Variants in MTUS1 observed in about 807,000 individuals in gnomAD.
The protein encoded by MTUS1 is microtubule-associated tumor suppressor 1.
MTUS1 carries 109 observed loss-of-function variants against 120.8 expected under a neutral mutation model. That is an observed-to-expected ratio of 0.90 (90% CI 0.77 to 1.06). The LOEUF (loss-of-function observed/expected upper bound fraction) is 1.06. MTUS1 is among the 50% of genes least tolerant of loss of function. The probability of loss-of-function intolerance (pLI) is 0.00; values close to 1 mark genes in which losing one functional copy is unlikely to be tolerated. For missense variants in MTUS1, 2,210 were observed against 1,486.3 expected (o/e 1.49, Z -8.01); for synonymous variants, 737 against 550.5 (o/e 1.34, Z -4.74).
intron 3 of MTUS1, among the ~76,000 whole-genome samples, chr8:17,732,451 C>G (rs6586639): frequency 6.6e-6 from 1 of 152,022 alleles, no homozygotes; most frequent in Non-Finnish European, 1.5e-5. Context: ...CTTCTTGACT[C>G]TGGAGAGTCC....
At chr8:17,690,255 A>G (rs577711317) in intron 6 of MTUS1, among the ~76,000 whole-genome samples, 1 of 152,228 alleles carries the variant, frequency 6.6e-6, no homozygotes, top group Non-Finnish European at 1.5e-5. Context: ...AGCAGCCAAC[A>G]TATGGAAAAA....
chr8:17,794,192 GT>G (rs1472668234), intron 1 of MTUS1, among the ~76,000 whole-genome samples: 1 of 152,070 alleles, frequency 6.6e-6, no homozygotes, highest in African/African-American at 2.4e-5. Context: ...GACGGGCGTG[GT>G]GGTGCATGCC....
At chr8:17,659,554 C>T (rs1419069117) in intron 8 of MTUS1, among the ~76,000 whole-genome samples, 2 of 151,836 alleles carry the variant, frequency 1.3e-5, no homozygotes, top group African/African-American at 2.4e-5. Flanking sequence ...ATTAGCTGGG[C>T]GTGGTGGTGT....
At chr8:17,665,439 C>T (rs928811621) in intron 8 of MTUS1, among the ~76,000 whole-genome samples, 9 of 152,256 alleles carry the variant, frequency 5.9e-5, no homozygotes, top group Non-Finnish European at 7.4e-5. Flanking sequence ...ATGCTCTGAA[C>T]GAATAAAATA....
chr8:17,764,886 G>C (rs375523525), intron 1 of MTUS1, among the ~76,000 whole-genome samples: 2 of 152,294 alleles, frequency 1.3e-5, no homozygotes, highest in East Asian at 3.9e-4. Flanking sequence ...TGCGGACCAG[G>C]AGGAGGGGGA....
chr8:17,798,149 C>G (rs555463030), intron 1 of MTUS1, among the ~76,000 whole-genome samples: 2 of 152,094 alleles, frequency 1.3e-5, no homozygotes, highest in Non-Finnish European at 2.9e-5. Flanking sequence ...AATAACAGAT[C>G]TGAAAAACAT....
At chr8:17,725,187 G>GA (rs538018600) in intron 3 of MTUS1, among the ~76,000 whole-genome samples, 29 of 152,222 alleles carry the variant, frequency 1.9e-4, no homozygotes, top group Non-Finnish European at 3.2e-4. Context: ...ACCCAGAGTT[G>GA]AAAAAGACCT....
Position 17,649,962 on chromosome 8 carries a change from T to C in MTUS1, c.3385A>G (p.Lys1129Glu), listed in dbSNP as rs1239922139. 3 of 1,521,874 alleles carry C rather than the reference T, an allele frequency of 2.0e-6. No homozygotes were observed. The highest frequency in any genetic ancestry group is 9.1e-7 in the Non-Finnish European group (1 of 1,096,260). 94.3% of individuals were successfully genotyped at this position (1,521,874 alleles called of 1,614,324 possible). ...TCTAGATACATGATCTGAGGATTTT[T>C]CTGGAAAGGACACAGCAAGATACTG... is the stretch of plus-strand genomic sequence containing the variant. ...KRRAREKANL[K>E]NPQIMYLEQE... The change falls in exon 13 of 15, where the codon AAA (lysine) becomes GAA (glutamate). Residue 1129 changes from lysine to glutamate, a missense_variant and splice_region_variant. Lys to Glu is a moderately conservative substitution (Grantham distance 56). Coordinates refer to ENST00000693296, the MANE Select transcript of MTUS1 (RefSeq NM_001363059.2).
chr8:17,762,123 T>C (rs886281155), intron 1 of MTUS1, among the ~76,000 whole-genome samples: 25 of 152,026 alleles, frequency 1.6e-4, no homozygotes, highest in Admixed American at 1.4e-3. Flanking sequence ...CTACTAAAAA[T>C]ACAAAAATTG....
At position 17,654,587 on chromosome 8, in the gene MTUS1, T is replaced by C. The variant is rs17853231; in HGVS notation, c.3188A>G (p.Lys1063Arg). The change falls in exon 10 of 15, where the codon AAG becomes AGG. Residue 1063 changes from lysine (K) to arginine (R), a missense_variant. Coordinates refer to ENST00000693296, the MANE Select transcript of MTUS1 (RefSeq NM_001363059.2). ...ASHSEKLELLKKAYEASLSEI... is the reference protein window; with the variant it reads ...ASHSEKLELLRKAYEASLSEI... ...TGAAAGGGAGGCTTCATAGGCCTTC[T>C]TTAGCAATTCAAGTTTCTCTGAGTG... The C allele has an allele frequency of 6.2e-7, 1 of 1,613,744 alleles. No individual in the cohort carries two copies. The highest frequency in any genetic ancestry group is 1.7e-5 in the Admixed American group (1 of 60,032).
intron 6 of MTUS1, among the ~76,000 whole-genome samples, chr8:17,700,672 T>C (rs1392206470): frequency 1.3e-5 from 2 of 150,072 alleles, no homozygotes; most frequent in Non-Finnish European, 3.0e-5. Context: ...CTTTATTATA[T>C]GTTTTTGTAT....
chr8:17,766,635 G>A (rs571466517), intron 1 of MTUS1, among the ~76,000 whole-genome samples: 53 of 152,330 alleles, frequency 3.5e-4, no homozygotes, highest in Middle Eastern at 3.4e-3. Context: ...AGGAGCCTGT[G>A]TAAGAAAGTA....
At chr8:17,723,191 C>T (rs2045960045) in intron 4 of MTUS1, 2 of 172,212 alleles carry the variant, frequency 1.2e-5, no homozygotes, top group African/African-American at 2.4e-5. Context: ...TAAATTCACT[C>T]ATTTATACAC....
Position 17,684,643 on chromosome 8 carries a change from T to C in MTUS1, c.2624-101A>G, listed in dbSNP as rs1815372436. On this transcript the variant is annotated intron_variant, in intron 6 of 14. Coordinates refer to ENST00000693296, the MANE Select transcript of MTUS1 (RefSeq NM_001363059.2). ...CAACCAGATAAGCCACAGAAATCCA[T>C]TTAAGTTATGTTGCTGTAAGGAATG... 4.4e-6 allele frequency: 4 copies of C among 910,302 alleles called. No individual in the cohort carries two copies. The East Asian group carries it at 9.6e-5, about 22-fold the overall frequency. 56.4% of individuals were successfully genotyped at this position (910,302 alleles called of 1,614,324 possible).
At chr8:17,792,257 T>A (rs1352850381) in intron 1 of MTUS1, among the ~76,000 whole-genome samples, 4 of 152,156 alleles carry the variant, frequency 2.6e-5, no homozygotes, top group Non-Finnish European at 4.4e-5. Context: ...AGAAAAGCAG[T>A]CCCTAGCACT....
chr8:17,776,679 A>T (rs1296921557), intron 1 of MTUS1, among the ~76,000 whole-genome samples: 4 of 3,572 alleles, frequency 1.1e-3, no homozygotes, highest in Non-Finnish European at 4.5e-3. Flanking sequence ...ACTCTGTCTC[A>T]AAAAAAAAAA....
At chr8:17,662,670 T>C (rs896731716) in intron 8 of MTUS1, among the ~76,000 whole-genome samples, 4 of 152,028 alleles carry the variant, frequency 2.6e-5, no homozygotes, top group Non-Finnish European at 4.4e-5. Context: ...GTTTTAATCA[T>C]TCCATTAGTC....
chr8:17,655,121 G>A (rs577788793), intron 9 of MTUS1: 40 of 161,482 alleles, frequency 2.5e-4, no homozygotes, highest in Admixed American at 4.7e-4. Context: ...CATGCTCTGC[G>A]CCTGTCACTT....
chr8:17,732,705 A>G (rs209977), intron 3 of MTUS1, among the ~76,000 whole-genome samples: 3,085 of 152,026 alleles, frequency 0.02, 46 homozygotes, highest in Non-Finnish European at 0.027. Flanking sequence ...CTGTGTTTCC[A>G]CCATCCATTC....
Sources: allele counts gnomAD v4.1 joint callset (sites outside exome capture counted in the v4.1 genomes callset), GRCh38; gene constraint gnomAD v4.1.1; transcripts MANE v1.5; gene names NCBI Gene and HGNC (gene_info 2026-07-23, HGNC 2026-07-21).